The following CPS1 variants were observed in gnomAD, a reference collection of about 807,000 sequenced individuals.
CPS1 encodes carbamoyl-phosphate synthase 1.
In CPS1, 109 loss-of-function variants were observed where a neutral mutation model predicts 174.6. The ratio of observed to expected loss-of-function variants is 0.62; its 90% CI spans 0.53 to 0.73. The LOEUF is 0.73. CPS1 is among the 30% of genes least tolerant of loss of function. The pLI, the probability that CPS1 is intolerant of heterozygous loss-of-function variation, is 0.00. For synonymous variants in CPS1, 637 were observed against 632.0 expected, an observed-to-expected ratio of 1.01 and a Z score of -0.12; for missense variants, 1,689 against 1,821.9, an observed-to-expected ratio of 0.93 and a Z score of 1.33.
At chr2:210,660,372 CAAG>C (rs1339538850) in intron 31 of CPS1, 110 bp from the exon 32 acceptor site, 2 of 1,050,322 alleles carry the variant, frequency 1.9e-6, no homozygotes, top group Admixed American at 3.5e-5. Context: ...ATTAGCAAAA[CAAG>C]AGCTGGTCCC....
At chr2:210,627,541 C>T (rs1699732734) in intron 21 of CPS1, among the ~76,000 whole-genome samples, 2 of 152,136 alleles carry the variant, frequency 1.3e-5, no homozygotes, top group Non-Finnish European at 2.9e-5. Context: ...CTTGAGATGC[C>T]TTTATGGGGC....
rs1036471413 is a variant in CPS1 at position 210,606,826 on chromosome 2, A to G, written c.2077A>G (p.Ile693Val). Residue 693 changes from isoleucine to valine, a missense_variant, in exon 18 of 38, where the codon ATT (isoleucine) becomes GTT (valine). By Grantham distance (29) the Ile-to-Val change is conservative. Transcript: ENST00000233072. ...AATCAATGTTGTTCGCCACTTGGGC[A>G]TTGTGGGTGAATGCAACATTCAGTT... ...TSINVVRHLG[I>V]VGECNIQFAL... The G allele has an allele frequency of 1.9e-6, 3 of 1,612,490 alleles. No homozygotes were observed. The highest frequency in any genetic ancestry group is 2.7e-5 in the African/African-American group (2 of 74,800).
At chr2:210,646,743 G>A (rs1700387605) in intron 25 of CPS1, among the ~76,000 whole-genome samples, 1 of 152,020 alleles carries the variant, frequency 6.6e-6, no homozygotes, top group Non-Finnish European at 1.5e-5. Flanking sequence ...TTATACACAA[G>A]AAGACTAAAC....
At position 210,495,635 on chromosome 2, in the gene CPS1, C is replaced by T. The variant is rs141945326; in HGVS notation, c.3+17869C>T. On this transcript the variant is annotated intron_variant, in intron 1 of 38. Transcript: ENST00000430249. ...AGTTGAGGAAAATGTCATTTAATCC[C>T]GGAAAAATATTTTTCCTTTTGTGTT... Among the ~76,000 whole-genome samples the T allele has an allele frequency of 6.4e-4, 97 of 152,168 alleles. 1 individual carries two copies. The East Asian group carries it at 0.015, about 23-fold the overall frequency.
chr2:210,496,992 G>T (rs1695006916), intron 1 of CPS1, among the ~76,000 whole-genome samples: 1 of 152,082 alleles, frequency 6.6e-6, no homozygotes, highest in Admixed American at 6.6e-5. Context: ...ATCAAATAGG[G>T]AATGGAAATC....
intron 1 of CPS1, among the ~76,000 whole-genome samples, chr2:210,503,096 G>C (rs1695190905): frequency 1.3e-5 from 2 of 152,140 alleles, no homozygotes. Context: ...CCTGTGACTA[G>C]GTGGATAATT....
rs1700256865 is a variant in CPS1 at position 210,642,494 on chromosome 2, G to A, written c.2970G>A (p.Val990=). 4 of 1,613,806 alleles carry A rather than the reference G, an allele frequency of 2.5e-6. No individual in the cohort carries two copies. The highest frequency in any genetic ancestry group is 2.2e-5 in the South Asian group (2 of 91,084). ...GCGPYHIGSS[V]EFDWCAVSSI... ...TCATTGTCTCTGCAGGCAGCAGTGTGGAATTTGATTGGTGTGCTGTCTCTA... is the reference window on the plus strand; with the variant it reads ...TCATTGTCTCTGCAGGCAGCAGTGTAGAATTTGATTGGTGTGCTGTCTCTA... Residue 990 remains valine, a synonymous_variant, in exon 25 of 38, where the codon GTG becomes GTA. Coordinates refer to ENST00000233072, the MANE Select transcript of CPS1 (RefSeq NM_001875.5).
Position 210,568,970 on chromosome 2 carries a change from A to C in CPS1, c.127-4328A>C, listed in dbSNP as rs36071800. 7.8e-3 allele frequency among the ~76,000 whole-genome samples: 1,190 copies of C among 152,006 alleles called. 8 individuals are homozygous for C. The highest frequency in any genetic ancestry group is 0.013 in the Non-Finnish European group (890 of 67,910). ...AGGAGAGCATATGCTTTTTTTTTCT[A>C]CTATAACTTTTCCTCTCTTATCAAA... On this transcript the variant is annotated intron_variant, in intron 1 of 37. Transcript: ENST00000233072.
chr2:210,592,679 A>G (rs904242485), intron 10 of CPS1, among the ~76,000 whole-genome samples, 200 bp from the exon 11 acceptor site: 17 of 152,012 alleles, frequency 1.1e-4, no homozygotes, highest in South Asian at 8.3e-4. Flanking sequence ...CCCATTTTCC[A>G]TACTTAATCA....
Position 210,640,057 on chromosome 2 carries a change from T to C in CPS1, c.2957T>C (p.Ile986Thr), listed in dbSNP as rs1553516442. Reference sequence around the variant, plus strand: ...GTGCTAGGCTGTGGTCCATATCACATTGGTAAAATAATAAATTATGTGTAT... The same window carrying C: ...GTGCTAGGCTGTGGTCCATATCACACTGGTAAAATAATAAATTATGTGTAT... The part of the protein sequence containing the change: ...MMVLGCGPYH[I>T]GSSVEFDWCA... The change falls in exon 24 of 38, where the codon ATT (isoleucine) becomes ACT (threonine). Residue 986 changes from isoleucine to threonine, a missense_variant and splice_region_variant. Physicochemically the swap from Ile to Thr is moderately conservative, Grantham distance 89. Coordinates refer to ENST00000233072, the MANE Select transcript of CPS1 (RefSeq NM_001875.5). The C allele has an allele frequency of 4.4e-6, 7 of 1,589,080 alleles. No individual in the cohort carries two copies. The highest frequency in any genetic ancestry group is 1.1e-5 in the South Asian group (1 of 90,546).
rs1232679863 is a variant in CPS1, at chr2:210,660,482, C to G, written c.3757-3C>G. 6.2e-7 allele frequency: 1 copy of G among 1,613,938 alleles called. No homozygotes were observed. The highest frequency in any genetic ancestry group is 1.1e-5 in the South Asian group (1 of 91,074). On this transcript the variant is annotated splice_polypyrimidine_tract_variant and splice_region_variant and intron_variant, in intron 31 of 37. Transcript: ENST00000233072. The stretch of plus-strand genomic sequence containing the variant: ...TTTCTCATTTTGAATTTTATCTCTT[C>G]AGGTGATTGAGTGTAACTTGAGAGC...
intron 2 of CPS1, among the ~76,000 whole-genome samples, chr2:210,575,258 T>C (rs575213100): frequency 1.3e-5 from 2 of 152,198 alleles, no homozygotes; most frequent in South Asian, 2.1e-4. Flanking sequence ...CGTTAAACTT[T>C]ATTGGTTTCA....
At chr2:210,490,060 GGAAGGAA>G (rs1192179357) in intron 1 of CPS1, among the ~76,000 whole-genome samples, 1 of 144,858 alleles carries the variant, frequency 6.9e-6, no homozygotes, top group African/African-American at 2.5e-5. Flanking sequence ...AAGAAAGGAT[GGAAGGAA>G]GAAGGAAGGA....
intron 33 of CPS1, among the ~76,000 whole-genome samples, chr2:210,665,140 G>C (rs1308096061): frequency 6.6e-6 from 1 of 152,152 alleles, no homozygotes; most frequent in Non-Finnish European, 1.5e-5. Context: ...AACTTAGGTT[G>C]ACCTTATTTA....
chr2:210,602,408 G>T lies in CPS1; in HGVS notation c.1836+78G>T. ...GACCTTTTCAACTAGAGAAAGTTAT[G>T]TAGATGAGAAATTACATTTTCTTTA... On this transcript the variant is annotated intron_variant, in intron 16 of 37. Coordinates refer to ENST00000233072, the MANE Select transcript of CPS1 (RefSeq NM_001875.5). The T allele has an allele frequency of 2.7e-6, 4 of 1,494,336 alleles. No homozygotes were observed. The South Asian group carries it at 4.5e-5, about 17-fold the overall frequency. The allele number at this position is 1,494,336 out of a possible 1,614,324, so 92.6% of individuals were successfully genotyped here.
chr2:210,582,489 A>G (rs1398496824), intron 5 of CPS1, 128 bp from the exon 6 acceptor site: 4 of 739,746 alleles, frequency 5.4e-6, no homozygotes, highest in East Asian at 5.2e-5. Context: ...AAGATCTTCC[A>G]TGATGGTTAC....
chr2:210,572,967 A>T (rs956788217), intron 1 of CPS1, among the ~76,000 whole-genome samples: 1 of 152,112 alleles, frequency 6.6e-6, no homozygotes, highest in South Asian at 2.1e-4. Flanking sequence ...CTAGGGAATG[A>T]TAAAGGGGAA....
At chr2:210,573,758 G>T in intron 2 of CPS1, among the ~76,000 whole-genome samples, 1 of 151,986 alleles carries the variant, frequency 6.6e-6, no homozygotes, top group Non-Finnish European at 1.5e-5. Flanking sequence ...TCGGAGCAAG[G>T]AAAAGAATAG....
At chr2:210,490,391 C>G (rs1007291667) in intron 1 of CPS1, among the ~76,000 whole-genome samples, 1 of 152,126 alleles carries the variant, frequency 6.6e-6, no homozygotes, top group African/African-American at 2.4e-5. Context: ...CCTAGGTTGT[C>G]TGAAATAATC....
Sources: allele counts gnomAD v4.1 joint callset (sites outside exome capture counted in the v4.1 genomes callset), GRCh38; gene constraint gnomAD v4.1.1; transcripts MANE v1.5; gene names NCBI Gene and HGNC (gene_info 2026-07-23, HGNC 2026-07-21).